Variants in GASK1A observed in about 807,000 individuals in gnomAD.
GASK1A encodes the protein golgi associated kinase 1A.
In GASK1A, 40 loss-of-function variants were observed where a neutral mutation model predicts 41.2. The ratio of observed to expected loss-of-function variants is 0.97; its 90% CI spans 0.75 to 1.27. The LOEUF is 1.27. GASK1A is among the 50% of genes most tolerant of loss of function. The probability of loss-of-function intolerance (pLI) is 0.00; values close to 1 mark genes in which losing one functional copy is unlikely to be tolerated. For missense variants in GASK1A, 678 were observed against 745.1 expected (o/e 0.91, Z 1.05); for synonymous variants, 316 against 307.1 (o/e 1.03, Z -0.30).
chr3:42,993,465 CGTTT>C lies in GASK1A; in HGVS notation c.3+13825_3+13828del, dbSNP rs541795892. 2.9e-3 allele frequency among the ~76,000 whole-genome samples: 439 copies of C among 152,282 alleles called. 4 individuals carry two copies. The highest frequency in any genetic ancestry group is 0.01 in the African/African-American group (423 of 41,548). Reference sequence around the variant, plus strand: ...GAAGCACGTGTAGGATTATATCACACGTTTGTTTTTTAGAAGATCTGGATAATTA... The same window carrying C: ...GAAGCACGTGTAGGATTATATCACACGTTTTTTAGAAGATCTGGATAATTA... On this transcript the variant is annotated intron_variant, in intron 1 of 4. Coordinates refer to ENST00000430121, the MANE Select transcript of GASK1A (RefSeq NM_001129908.3).
chr3:42,992,382 G>A (rs1161043254), intron 1 of GASK1A, among the ~76,000 whole-genome samples: 1 of 152,152 alleles, frequency 6.6e-6, no homozygotes, highest in African/African-American at 2.4e-5. Context: ...CCTCCTTGTG[G>A]GAATGTATGC....
intron 1 of GASK1A, among the ~76,000 whole-genome samples, chr3:43,031,324 T>C (rs2089574785): frequency 1.3e-5 from 2 of 152,222 alleles, no homozygotes; most frequent in African/African-American, 4.8e-5. Context: ...TGGCTCATGA[T>C]GCCCTAGAGC....
intron 4 of GASK1A, 104 bp from the exon 5 acceptor site, chr3:43,056,072 C>T: frequency 1.1e-6 from 1 of 903,204 alleles, no homozygotes; most frequent in Non-Finnish European, 1.7e-6. Flanking sequence ...CAGAGTTCCT[C>T]AGCTATGCAA....
intron 2 of GASK1A, among the ~76,000 whole-genome samples, chr3:43,041,284 C>T (rs2089635825): frequency 6.6e-6 from 1 of 151,962 alleles, no homozygotes; most frequent in African/African-American, 2.4e-5. Flanking sequence ...GTTCTAGATC[C>T]CTGAGGAATC....
intron 2 of GASK1A, among the ~76,000 whole-genome samples, chr3:43,041,526 T>C (rs888709385): frequency 4.6e-5 from 7 of 152,382 alleles, no homozygotes; most frequent in East Asian, 1.9e-4. Context: ...ATGTCTTCTT[T>C]TGAGAAATGT....
chr3:42,991,666 G>A (rs1335030359), intron 1 of GASK1A, among the ~76,000 whole-genome samples: 4 of 152,234 alleles, frequency 2.6e-5, no homozygotes, highest in Non-Finnish European at 4.4e-5. Flanking sequence ...TGGGCCCAGC[G>A]GAGGTGGAGG....
At chr3:42,979,752 TC>T (rs1254688417) in intron 1 of GASK1A, 107 bp downstream of exon 1, 3 of 1,136,362 alleles carry the variant, frequency 2.6e-6, no homozygotes, top group Admixed American at 4.2e-5. Flanking sequence ...CTGCGCGGCC[TC>T]CCGAGGCCGG....
intron 1 of GASK1A, among the ~76,000 whole-genome samples, chr3:43,010,054 C>T (rs1045951835): frequency 6.6e-6 from 1 of 152,172 alleles, no homozygotes; most frequent in African/African-American, 2.4e-5. Flanking sequence ...CTACACTGTT[C>T]CTTTGGAGGA....
At chr3:43,007,561 G>T (rs1343204666) in intron 1 of GASK1A, among the ~76,000 whole-genome samples, 1 of 152,186 alleles carries the variant, frequency 6.6e-6, no homozygotes, top group Admixed American at 6.5e-5. Context: ...TGTAAATCAT[G>T]TTGAGTTTTG....
intron 1 of GASK1A, among the ~76,000 whole-genome samples, chr3:43,026,686 A>T (rs1257663336): frequency 6.6e-6 from 1 of 152,216 alleles, no homozygotes; most frequent in African/African-American, 2.4e-5. Context: ...AGTCAAATAG[A>T]GTATAAAAAC....
intron 2 of GASK1A, among the ~76,000 whole-genome samples, chr3:43,038,206 C>T (rs149111289): frequency 2.0e-5 from 3 of 152,302 alleles, no homozygotes; most frequent in African/African-American, 4.8e-5. Context: ...GGTTTTGAAT[C>T]GGATGTAGAC....
chr3:43,034,193 A>C (rs1374587035), intron 2 of GASK1A, among the ~76,000 whole-genome samples: 1 of 152,146 alleles, frequency 6.6e-6, no homozygotes, highest in African/African-American at 2.4e-5. Context: ...AGAGAGGGAG[A>C]GGTGGAGATA....
In GASK1A at chr3:42,979,404, G is replaced by A; in HGVS notation, c.-239G>A. On this transcript the variant is annotated 5_prime_UTR_variant, in exon 1 of 5. Transcript: ENST00000430121. ...ATCCCCGTAGATCTCAGTAGATCCG[G>A]CGTGTATTCCCCACCCGCGGAGTAT... 1 of 402,844 alleles carries A rather than the reference G, an allele frequency of 2.5e-6. No homozygotes were observed. The highest frequency in any genetic ancestry group is 4.4e-5 in the Admixed American group (1 of 22,542). 25.0% of individuals were successfully genotyped at this position (402,844 alleles called of 1,614,324 possible).
chr3:43,028,798 G>A (rs2089560613), intron 1 of GASK1A, among the ~76,000 whole-genome samples: 2 of 152,208 alleles, frequency 1.3e-5, no homozygotes, highest in African/African-American at 4.8e-5. Context: ...CTGTGGCCCT[G>A]GAGGCCCTGG....
At chr3:42,993,144 A>G (rs1018134753) in intron 1 of GASK1A, among the ~76,000 whole-genome samples, 1 of 152,224 alleles carries the variant, frequency 6.6e-6, no homozygotes, top group Non-Finnish European at 1.5e-5. Flanking sequence ...TTCTCAGGCC[A>G]TATTTAGTTT....
At chr3:43,003,505 A>C (rs1282948507) in intron 1 of GASK1A, among the ~76,000 whole-genome samples, 1 of 151,842 alleles carries the variant, frequency 6.6e-6, no homozygotes, top group African/African-American at 2.4e-5. Flanking sequence ...AAAAAAAAAA[A>C]AAAAAAGAAT....
chr3:42,984,718 G>GC lies in GASK1A; in HGVS notation c.3+5074dup, dbSNP rs2089299753. On this transcript the variant is annotated intron_variant, in intron 1 of 4. Coordinates refer to ENST00000430121, the MANE Select transcript of GASK1A (RefSeq NM_001129908.3). This position sits in a 1 kb window ranked among gnomAD's most constrained non-coding sequence, Gnocchi z 4.2. ...GCTTAGCTTAGGGGAAGAGGTACAG[G>GC]CTCCTGCCTTTAAGGGTACCGCTTT... Among the ~76,000 whole-genome samples, 1 of 152,190 alleles carries GC rather than the reference G, an allele frequency of 6.6e-6. No homozygotes were observed. Among genetic ancestry groups the GC allele is most frequent in the African/African-American group, 2.4e-5 (1 of 41,446 alleles).
At position 42,979,663 on chromosome 3, in the gene GASK1A, G is replaced by C; in HGVS notation, c.3+18G>C. ...GGGACATGGTAGGACTCGCGGGAAG[G>C]AACGCGCGAGCGGAGGGTGGGGCGA... On this transcript the variant is annotated intron_variant, in intron 1 of 4. Coordinates refer to ENST00000430121, the MANE Select transcript of GASK1A (RefSeq NM_001129908.3). 1 of 1,245,952 alleles carries C rather than the reference G, an allele frequency of 8.0e-7. No homozygotes were observed. The highest frequency in any genetic ancestry group is 3.2e-5 in the East Asian group (1 of 31,664). The allele number at this position is 1,245,952 out of a possible 1,614,324, so 77.2% of individuals were successfully genotyped here.
intron 1 of GASK1A, among the ~76,000 whole-genome samples, chr3:43,005,529 T>G (rs888383076): frequency 6.6e-6 from 1 of 152,186 alleles, no homozygotes; most frequent in Non-Finnish European, 1.5e-5. Flanking sequence ...GTCTCAGTTA[T>G]CAGATGGCTA....
Sources: allele counts gnomAD v4.1 joint callset (sites outside exome capture counted in the v4.1 genomes callset), GRCh38; gene constraint gnomAD v4.1.1; non-coding constraint Gnocchi (gnomAD v3.1); transcripts MANE v1.5; gene names NCBI Gene and HGNC (gene_info 2026-07-23, HGNC 2026-07-21).